Variants in TBC1D32 observed in about 807,000 individuals in gnomAD.
TBC1D32 encodes protein broad-minded.
In TBC1D32, 151 loss-of-function variants were observed where a neutral mutation model predicts 170.3. The ratio of observed to expected loss-of-function variants is 0.89; its 90% CI spans 0.78 to 1.01. The LOEUF (loss-of-function observed/expected upper bound fraction) is 1.01. Ranked by LOEUF, TBC1D32 falls within the 50% of genes least tolerant of loss-of-function variation. TBC1D32 has a pLI of 0.00. For missense variants in TBC1D32, 1,464 were observed against 1,457.1 expected, an observed-to-expected ratio of 1.00 and a Z score of -0.08; for synonymous variants, 498 against 488.0, an observed-to-expected ratio of 1.02 and a Z score of -0.27.
chr6:121,308,082 T>C lies in TBC1D32; in HGVS notation c.584A>G (p.Gln195Arg), dbSNP rs747686469. The C allele has an allele frequency of 1.2e-6, 2 of 1,613,196 alleles. No homozygotes were observed. The highest frequency in any genetic ancestry group is 1.3e-5 in the African/African-American group (1 of 75,002). The change falls in exon 5 of 32, where the codon CAA (glutamine) becomes CGA (arginine). Residue 195 changes from glutamine (Q) to arginine (R), a missense_variant. Coordinates refer to ENST00000398212, the MANE Select transcript of TBC1D32 (RefSeq NM_152730.6). The stretch of plus-strand genomic sequence containing the variant: ...AGATGGAGGAGCTGAACATAATGTT[T>C]GCAAGGCTTCATATCTCACCTACAA... Reference protein sequence around the residue: ...QPKEVRYEALQTLCSAPPSDV... With the variant: ...QPKEVRYEALRTLCSAPPSDV...
intron 24 of TBC1D32, among the ~76,000 whole-genome samples, chr6:121,159,580 G>A (rs1414347779): frequency 2.0e-5 from 3 of 152,118 alleles, no homozygotes; most frequent in Non-Finnish European, 4.4e-5. Flanking sequence ...ACTGTAGAGT[G>A]ATCTTACACA....
intron 20 of TBC1D32, among the ~76,000 whole-genome samples, chr6:121,236,237 G>T (rs1796317322): frequency 6.6e-6 from 1 of 151,490 alleles, no homozygotes; most frequent in African/African-American, 2.4e-5. Context: ...TGTAATGATA[G>T]AAATATTATA....
At chr6:121,131,827 A>T in intron 24 of TBC1D32, 75 bp from the exon 25 acceptor site, 3 of 1,176,310 alleles carry the variant, frequency 2.6e-6, no homozygotes, top group Non-Finnish European at 3.5e-6. Context: ...TTAACTATGT[A>T]AACAGTTGAA....
chr6:121,107,498 A>G (rs1778807287), intron 29 of TBC1D32, among the ~76,000 whole-genome samples: 1 of 151,960 alleles, frequency 6.6e-6, no homozygotes, highest in South Asian at 2.1e-4. Flanking sequence ...AGCACAGTAA[A>G]TGGATATCTT....
chr6:121,262,349 A>G (rs1190762951), intron 15 of TBC1D32, among the ~76,000 whole-genome samples: 1 of 152,202 alleles, frequency 6.6e-6, no homozygotes, highest in East Asian at 1.9e-4. Context: ...GGTTGAAATG[A>G]AAGAAAAAAT....
intron 15 of TBC1D32, among the ~76,000 whole-genome samples, chr6:121,278,189 G>A (rs1186811468): frequency 6.6e-6 from 1 of 152,006 alleles, no homozygotes; most frequent in Non-Finnish European, 1.5e-5. Flanking sequence ...ATTTTATGAA[G>A]AAATTAAACC....
chr6:121,321,679 C>T lies in TBC1D32; in HGVS notation c.271G>A (p.Asp91Asn), dbSNP rs1242478684. ...DRNQGEECGY[D>N]TVVQQVTKRT... Reference sequence around the variant, plus strand: ...TTAGTGACCTGCTGTACAACTGTATCATAGCCGCATTCTTCACCCTGATTC... The same window carrying T: ...TTAGTGACCTGCTGTACAACTGTATTATAGCCGCATTCTTCACCCTGATTC... Residue 91 changes from aspartate to asparagine, a missense_variant, in exon 2 of 32, where the codon GAT becomes AAT. Asp to Asn is a conservative substitution (Grantham distance 23, BLOSUM62 1). Coordinates refer to ENST00000398212, the MANE Select transcript of TBC1D32 (RefSeq NM_152730.6). 6.2e-7 allele frequency: 1 copy of T among 1,613,870 alleles called. No individual in the cohort carries two copies. Among genetic ancestry groups the T allele is most frequent in the Non-Finnish European group, 8.5e-7 (1 of 1,179,928 alleles).
At chr6:121,181,455 G>T (rs750781832) in intron 22 of TBC1D32, among the ~76,000 whole-genome samples, 1 of 151,880 alleles carries the variant, frequency 6.6e-6, no homozygotes, top group Non-Finnish European at 1.5e-5. Context: ...TTTACCTTCC[G>T]CCATGATTGT....
At chr6:121,291,724 G>A (rs1266225149) in intron 12 of TBC1D32, among the ~76,000 whole-genome samples, 1 of 151,960 alleles carries the variant, frequency 6.6e-6, no homozygotes, top group Non-Finnish European at 1.5e-5. Flanking sequence ...TAAAGAAATG[G>A]AAACAACAAA....
At chr6:121,331,906 A>G (rs1811271225) in intron 1 of TBC1D32, among the ~76,000 whole-genome samples, 1 of 152,194 alleles carries the variant, frequency 6.6e-6, no homozygotes, top group African/African-American at 2.4e-5. Flanking sequence ...CCTATTATTA[A>G]GACTAAAAAT....
intron 10 of TBC1D32, among the ~76,000 whole-genome samples, chr6:121,295,540 C>G (rs990549353): frequency 2.6e-5 from 4 of 151,816 alleles, no homozygotes; most frequent in African/African-American, 9.7e-5. Flanking sequence ...CAAGATTAAA[C>G]TCTTTTTCAG....
At chr6:121,094,131 G>A (rs1332051248) in intron 30 of TBC1D32, among the ~76,000 whole-genome samples, 1 of 151,718 alleles carries the variant, frequency 6.6e-6, no homozygotes, top group Non-Finnish European at 1.5e-5. Context: ...GAAGAATGCT[G>A]AGCTATGAGT....
At chr6:121,139,576 A>T (rs927886441) in intron 24 of TBC1D32, among the ~76,000 whole-genome samples, 2 of 152,218 alleles carry the variant, frequency 1.3e-5, no homozygotes, top group African/African-American at 4.8e-5. Context: ...ATTGTTAAAC[A>T]AAATCAGTAT....
At chr6:121,213,533 TA>T (rs1291587552) in intron 21 of TBC1D32, among the ~76,000 whole-genome samples, 3 of 75,972 alleles carry the variant, frequency 3.9e-5, no homozygotes, top group African/African-American at 1.7e-4. Flanking sequence ...ATAAATAAAA[TA>T]AAATAAAATA....
chr6:121,258,432 C>CT lies in TBC1D32; in HGVS notation c.1734-2148dup, dbSNP rs201030720. ...TTTAAATACTGTGGCTTCACTTTTTCTTTTTTTTTTCTGTTTTTTGTTTTT... is the reference window on the plus strand; with the variant it reads ...TTTAAATACTGTGGCTTCACTTTTTCTTTTTTTTTTTCTGTTTTTTGTTTTT... On this transcript the variant is annotated intron_variant, in intron 15 of 31. Transcript: ENST00000398212. Among the ~76,000 whole-genome samples, 1,417 of 148,014 alleles carry CT rather than the reference C, an allele frequency of 9.6e-3. 26 individuals carry two copies. The highest frequency in any genetic ancestry group is 0.032 in the African/African-American group (1,308 of 40,442).
intron 31 of TBC1D32, among the ~76,000 whole-genome samples, chr6:121,090,298 A>G (rs1408874802): frequency 6.6e-6 from 1 of 152,228 alleles, no homozygotes; most frequent in African/African-American, 2.4e-5. Flanking sequence ...ACTGGGATGT[A>G]TTTATATCTC....
chr6:121,140,408 A>G (rs1451809051), intron 24 of TBC1D32, among the ~76,000 whole-genome samples: 1 of 151,884 alleles, frequency 6.6e-6, no homozygotes, highest in South Asian at 2.1e-4. Flanking sequence ...GTTTTCTCAT[A>G]GAGGAATAAT....
chr6:121,312,363 T>G (rs1808337441), intron 3 of TBC1D32, among the ~76,000 whole-genome samples: 1 of 152,216 alleles, frequency 6.6e-6, no homozygotes, highest in Admixed American at 6.5e-5. Context: ...AGTAATTTTT[T>G]TAAGTGCTAC....
rs1299953836 is a variant in TBC1D32, at chr6:121,242,216, A to G, written c.2142T>C (p.Tyr714=). 1.2e-6 allele frequency: 2 copies of G among 1,611,048 alleles called. No homozygotes were observed. Among genetic ancestry groups the G allele is most frequent in the Admixed American group, 1.7e-5 (1 of 59,570 alleles). Reference sequence around the variant, plus strand: ...TAATTCATACCTGTAATTTTTTTGCATATCGATTGAATATAAATGTCACAC... The same window carrying G: ...TAATTCATACCTGTAATTTTTTTGCGTATCGATTGAATATAAATGTCACAC... ...NECVTFIFNR[Y]AKKLQVSRHK... Residue 714 remains tyrosine, a synonymous_variant, in exon 18 of 32, where the codon TAT becomes TAC. Transcript: ENST00000398212.
Sources: gnomAD v4.1 joint callset for allele counts (sites outside exome capture counted in the v4.1 genomes callset) on GRCh38, gnomAD v4.1.1 for gene constraint, MANE v1.5 for transcripts, NCBI Gene and HGNC (gene_info 2026-07-23, HGNC 2026-07-21) for gene names.